The following SORCS3 variants were observed in gnomAD, a reference collection of about 807,000 sequenced individuals.
SORCS3 encodes the protein VPS10 domain-containing receptor SorCS3.
In SORCS3, 57 loss-of-function variants were observed where a neutral mutation model predicts 146.3. That is an observed-to-expected ratio of 0.39 (90% CI 0.31 to 0.49). The LOEUF (loss-of-function observed/expected upper bound fraction) is 0.49. SORCS3 is among the 20% of genes least tolerant of loss of function. SORCS3 has a pLI of 0.92. For missense variants in SORCS3, 1,341 were observed against 1,575.5 expected, an observed-to-expected ratio of 0.85 and a Z score of 2.52; for synonymous variants, 653 against 618.5, an observed-to-expected ratio of 1.06 and a Z score of -0.83.
intron 1 of SORCS3, among the ~76,000 whole-genome samples, chr10:104,776,069 A>T (rs75957944): frequency 6.6e-6 from 1 of 152,200 alleles, no homozygotes; most frequent in African/African-American, 2.4e-5. Flanking sequence ...GGAGACAGAC[A>T]TGTAGGCAAG....
At chr10:105,065,884 C>T (rs541961031) in intron 5 of SORCS3, among the ~76,000 whole-genome samples, 1 of 152,294 alleles carries the variant, frequency 6.6e-6, no homozygotes, top group African/African-American at 2.4e-5. Context: ...CATCAAATTG[C>T]TCAAAAGCTC....
intron 3 of SORCS3, among the ~76,000 whole-genome samples, chr10:104,952,523 C>T (rs1372989513): frequency 6.6e-6 from 1 of 152,130 alleles, no homozygotes; most frequent in Non-Finnish European, 1.5e-5. Context: ...TATTTTCTCT[C>T]TGTAGTCTTA....
chr10:105,167,391 C>T, intron 13 of SORCS3, 42 bp downstream of exon 13: 1 of 1,420,564 alleles, frequency 7.0e-7, no homozygotes, highest in Middle Eastern at 1.8e-4. Context: ...TAATGAGCAG[C>T]TTTTTAGTGG....
chr10:105,217,170 A>G lies in SORCS3; in HGVS notation c.2734+48A>G, dbSNP rs754972333. On this transcript the variant is annotated intron_variant, in intron 19 of 26. Coordinates refer to ENST00000369701, the MANE Select transcript of SORCS3 (RefSeq NM_014978.3). ...GTTTTCCCTTTGTTCCCAGTTGGCA[A>G]CTTGCTCTGTTCAGACTTCCTAAAA... 1.4e-5 allele frequency: 23 copies of G among 1,596,650 alleles called. No homozygotes were observed. In the South Asian group the frequency reaches 1.8e-4, roughly 12 times the overall value.
chr10:104,814,114 A>T (rs150085194), intron 1 of SORCS3, among the ~76,000 whole-genome samples: 309 of 152,230 alleles, frequency 2.0e-3, no homozygotes, highest in Middle Eastern at 0.01. Context: ...CTAAGGGGCT[A>T]GTCACTCACA....
chr10:105,112,828 G>A (rs1336870058), intron 7 of SORCS3, among the ~76,000 whole-genome samples: 3 of 152,284 alleles, frequency 2.0e-5, no homozygotes, highest in Non-Finnish European at 4.4e-5. Flanking sequence ...AGATGAGGAC[G>A]AGAGACTTTG....
rs796179490 is a variant in SORCS3, at chr10:105,045,037, A to AAAAAAAAGAAAGAAAG, written c.1028+1913_1028+1914insAAAGAAAGAAAGAAAA. Among the ~76,000 whole-genome samples the AAAAAAAAGAAAGAAAG allele has an allele frequency of 5.5e-3, 712 of 128,428 alleles. 6 individuals carry two copies. The highest frequency in any genetic ancestry group is 0.014 in the African/African-American group (491 of 35,642). 84.3% of individuals were successfully genotyped at this position (128,428 alleles called of 152,430 possible). On this transcript the variant is annotated intron_variant, in intron 5 of 26. Transcript: ENST00000369701. The stretch of plus-strand genomic sequence containing the variant: ...CCAGAATTCGAAAAAAAAAAAAAAA[A>AAAAAAAAGAAAGAAAG]AAAAGAAAGAAAGAAAGAAAGCGAA...
At chr10:104,724,613 C>A (rs1317457479) in intron 1 of SORCS3, among the ~76,000 whole-genome samples, 5 of 152,170 alleles carry the variant, frequency 3.3e-5, no homozygotes, top group African/African-American at 1.2e-4. Context: ...TCAGGTACAC[C>A]AATCAGACGT....
chr10:104,941,837 C>G (rs1425272154), intron 3 of SORCS3, among the ~76,000 whole-genome samples: 1 of 152,102 alleles, frequency 6.6e-6, no homozygotes, highest in Non-Finnish European at 1.5e-5. Context: ...GCTGTCAACT[C>G]CCCACTAGGG....
intron 3 of SORCS3, among the ~76,000 whole-genome samples, chr10:104,971,468 A>G (rs1202957210): frequency 6.6e-6 from 1 of 152,212 alleles, no homozygotes; most frequent in Non-Finnish European, 1.5e-5. Context: ...GCTTTTTGCT[A>G]AACATGGATG....
At chr10:104,725,797 G>T (rs758151510) in intron 1 of SORCS3, among the ~76,000 whole-genome samples, 2 of 152,224 alleles carry the variant, frequency 1.3e-5, no homozygotes, top group Non-Finnish European at 2.9e-5. Context: ...ATAATCTCCT[G>T]GTGTGTCGTT....
intron 7 of SORCS3, among the ~76,000 whole-genome samples, chr10:105,131,519 T>C (rs2056018636): frequency 6.6e-6 from 1 of 152,208 alleles, no homozygotes; most frequent in Admixed American, 6.6e-5. Context: ...CAATGTAGCA[T>C]TGATTTCTCA....
chr10:104,673,123 A>G (rs1227486365), intron 1 of SORCS3, among the ~76,000 whole-genome samples: 1 of 151,788 alleles, frequency 6.6e-6, no homozygotes, highest in East Asian at 1.9e-4. Flanking sequence ...TCATCTTTTG[A>G]CTTCCAGTGT....
At chr10:104,813,873 C>T (rs2133520774) in intron 1 of SORCS3, among the ~76,000 whole-genome samples, 1 of 149,228 alleles carries the variant, frequency 6.7e-6, no homozygotes, top group East Asian at 2.0e-4. Context: ...TTTCTCTGGG[C>T]AAAGAAAAAA....
At chr10:105,055,245 G>T (rs907551228) in intron 5 of SORCS3, among the ~76,000 whole-genome samples, 1 of 152,280 alleles carries the variant, frequency 6.6e-6, no homozygotes, top group Non-Finnish European at 1.5e-5. Context: ...ACTGAACAGG[G>T]TAACCTTGAG....
chr10:105,256,653 C>T (rs2056933141), intron 24 of SORCS3, among the ~76,000 whole-genome samples, 166 bp from the exon 25 acceptor site: 1 of 152,210 alleles, frequency 6.6e-6, no homozygotes, highest in African/African-American at 2.4e-5. Flanking sequence ...GTGCCATTGC[C>T]ATCATTGAAG....
At chr10:104,855,718 T>A (rs1450208620) in intron 2 of SORCS3, among the ~76,000 whole-genome samples, 1 of 139,712 alleles carries the variant, frequency 7.2e-6, no homozygotes, top group Non-Finnish European at 1.5e-5. Flanking sequence ...TGCTTTTGAG[T>A]GTGTGTGTGT....
At chr10:105,184,069 C>T (rs1056453759) in intron 14 of SORCS3, among the ~76,000 whole-genome samples, 5 of 152,204 alleles carry the variant, frequency 3.3e-5, no homozygotes, top group Non-Finnish European at 7.3e-5. Context: ...TGTTGGTAAT[C>T]TCTGTGATCT....
At chr10:105,259,874 G>A (rs188250104) in intron 25 of SORCS3, among the ~76,000 whole-genome samples, 55 of 152,206 alleles carry the variant, frequency 3.6e-4, no homozygotes, top group African/African-American at 1.3e-3. Context: ...GGAGACTTGA[G>A]CCTATCCATA....
Sources: allele counts gnomAD v4.1 joint callset (sites outside exome capture counted in the v4.1 genomes callset), GRCh38; gene constraint gnomAD v4.1.1; transcripts MANE v1.5; gene names NCBI Gene and HGNC (gene_info 2026-07-23, HGNC 2026-07-21).